The following MYO3B variants were observed in gnomAD, a reference collection of about 807,000 sequenced individuals.
MYO3B encodes the protein myosin IIIB.
MYO3B carries 156 observed loss-of-function variants against 174.6 expected under a neutral mutation model. That is an observed-to-expected ratio of 0.89 (90% CI 0.78 to 1.02). MYO3B has a LOEUF of 1.02. Ranked by LOEUF, MYO3B falls within the 50% of genes least tolerant of loss-of-function variation. MYO3B has a pLI of 0.00. For synonymous variants in MYO3B, 563 were observed against 569.1 expected (o/e 0.99, Z 0.15); for missense variants, 1,632 against 1,639.4 (o/e 1.00, Z 0.08).
chr2:170,621,962 G>C (rs550739749), intron 32 of MYO3B, among the ~76,000 whole-genome samples: 1 of 152,188 alleles, frequency 6.6e-6, no homozygotes, highest in East Asian at 1.9e-4. Flanking sequence ...TCTTACCCTT[G>C]TATTTGCTTT....
chr2:170,590,178 T>C (rs1014447996), intron 32 of MYO3B, among the ~76,000 whole-genome samples: 1 of 152,210 alleles, frequency 6.6e-6, no homozygotes, highest in Non-Finnish European at 1.5e-5. Flanking sequence ...ATACGTGATA[T>C]GAGAAGTTAC....
At chr2:170,485,231 A>G (rs1685960973) in intron 25 of MYO3B, among the ~76,000 whole-genome samples, 1 of 152,158 alleles carries the variant, frequency 6.6e-6, no homozygotes, top group Non-Finnish European at 1.5e-5. Context: ...TCAATTTTTA[A>G]TTGTAAAAAT....
chr2:170,520,573 A>G (rs1405739148), intron 30 of MYO3B, among the ~76,000 whole-genome samples: 1 of 151,982 alleles, frequency 6.6e-6, no homozygotes, highest in Non-Finnish European at 1.5e-5. Flanking sequence ...TAGAAAAATG[A>G]TGAGCTTCTA....
At position 170,611,815 on chromosome 2, in the gene MYO3B, G is replaced by A. The variant is rs1430299583; in HGVS notation, c.3734-39813G>A. On this transcript the variant is annotated intron_variant, in intron 32 of 34. Coordinates refer to ENST00000408978, the MANE Select transcript of MYO3B (RefSeq NM_138995.5). ...CCTAGAGCTTCAGTGAGGAGTTTAT[G>A]GCTTTATTTTGCTTTGTTACAAGTG... 5.3e-5 allele frequency among the ~76,000 whole-genome samples: 8 copies of A among 152,256 alleles called. No individual in the cohort carries two copies. In the East Asian group the frequency reaches 1.2e-3, roughly 22 times the overall value.
intron 8 of MYO3B, among the ~76,000 whole-genome samples, chr2:170,366,232 C>T (rs1162886531): frequency 6.6e-6 from 1 of 152,136 alleles, no homozygotes; most frequent in African/African-American, 2.4e-5. Flanking sequence ...GTTTATCACG[C>T]AGACATTCAA....
At chr2:170,223,593 G>A (rs1345818833) in intron 6 of MYO3B, among the ~76,000 whole-genome samples, 2 of 152,268 alleles carry the variant, frequency 1.3e-5, no homozygotes, top group East Asian at 1.9e-4. Context: ...ACCCGTGTCC[G>A]CTGTTAATAT....
intron 23 of MYO3B, among the ~76,000 whole-genome samples, chr2:170,449,451 C>T (rs796612438): frequency 1.1e-4 from 17 of 152,246 alleles, no homozygotes; most frequent in African/African-American, 3.4e-4. Flanking sequence ...GTATACTTTA[C>T]TCAATTGCTA....
chr2:170,216,073 G>T (rs903367607), intron 5 of MYO3B, among the ~76,000 whole-genome samples: 4 of 152,128 alleles, frequency 2.6e-5, no homozygotes, highest in South Asian at 4.1e-4. Context: ...AAATTATCTA[G>T]GTCAAATAGA....
rs200667090 is a variant in MYO3B, at chr2:170,501,779, T to G, written c.3290-6T>G. 2.3e-4 allele frequency: 364 copies of G among 1,599,050 alleles called. 2 individuals carry two copies. In the South Asian group the frequency reaches 2.5e-3, roughly 11 times the overall value. On this transcript the variant is annotated splice_region_variant and splice_polypyrimidine_tract_variant and intron_variant, in intron 27 of 34. Transcript: ENST00000408978. ...TCATTCCTAGCACATGGTTTTATAT[T>G]TTTAGCCTGGAGAGGATATGATGCT...
chr2:170,242,960 G>A (rs2093150621), intron 7 of MYO3B, among the ~76,000 whole-genome samples: 1 of 152,134 alleles, frequency 6.6e-6, no homozygotes, highest in Admixed American at 6.6e-5. Context: ...TGGCATAATG[G>A]TAGGGGCAGG....
intron 31 of MYO3B, among the ~76,000 whole-genome samples, chr2:170,543,685 T>C (rs974149574): frequency 2.6e-5 from 4 of 152,170 alleles, no homozygotes; most frequent in African/African-American, 9.6e-5. Flanking sequence ...AAGCAAAAGA[T>C]GTTAAGACTT....
chr2:170,494,387 T>C (rs958254243), intron 25 of MYO3B, among the ~76,000 whole-genome samples: 8 of 151,478 alleles, frequency 5.3e-5, no homozygotes, highest in African/African-American at 2.0e-4. Flanking sequence ...GGGAAATTTA[T>C]GTCTTCATAA....
At chr2:170,370,969 A>T (rs1369590414) in intron 9 of MYO3B, among the ~76,000 whole-genome samples, 3 of 151,080 alleles carry the variant, frequency 2.0e-5, no homozygotes, top group Non-Finnish European at 4.4e-5. Context: ...CTGTAATCCC[A>T]GCACTTTGGG....
intron 32 of MYO3B, among the ~76,000 whole-genome samples, chr2:170,587,557 T>C (rs1474988108): frequency 1.3e-5 from 2 of 152,206 alleles, no homozygotes; most frequent in African/African-American, 2.4e-5. Flanking sequence ...AGCAAAGTGA[T>C]GGAAGTTGTT....
intron 6 of MYO3B, 81 bp downstream of exon 6, chr2:170,217,476 T>A: frequency 8.3e-7 from 1 of 1,199,888 alleles, no homozygotes; most frequent in South Asian, 1.2e-5. Flanking sequence ...AGTCATATGC[T>A]TTGCAGAATT....
chr2:170,430,374 C>CTTT (rs11368801), intron 22 of MYO3B, among the ~76,000 whole-genome samples: 40 of 136,688 alleles, frequency 2.9e-4, no homozygotes, highest in South Asian at 9.4e-4. Context: ...TTCTGGATAG[C>CTTT]TTTTTTTTTT....
intron 22 of MYO3B, among the ~76,000 whole-genome samples, chr2:170,418,392 C>A (rs62170672): frequency 0.072 from 10,967 of 152,230 alleles, 442 homozygotes; most frequent in Non-Finnish European, 0.094. Context: ...TTAATATCAT[C>A]GCTACTAAAT....
intron 1 of MYO3B, among the ~76,000 whole-genome samples, chr2:170,187,233 T>C (rs114061274): frequency 0.01 from 1,564 of 152,212 alleles, 14 homozygotes; most frequent in Middle Eastern, 0.041. Context: ...CTAGTTCTTT[T>C]TTTTGTTTTG....
rs1684660436 is a variant in MYO3B at position 170,466,712 on chromosome 2, G to T, written c.3014+1G>T. ...TCCTTTTTGAAGAATTTGTGAAAAG[G>T]TCAGACCGTCATCTACGGGAATGCA... On this transcript the variant is annotated splice_donor_variant, in intron 25 of 34. Coordinates refer to ENST00000408978, the MANE Select transcript of MYO3B (RefSeq NM_138995.5). LOFTEE classifies it high-confidence loss of function. 3 of 1,613,882 alleles carry T rather than the reference G, an allele frequency of 1.9e-6. No homozygotes were observed. Among genetic ancestry groups the T allele is most frequent in the Non-Finnish European group, 2.5e-6 (3 of 1,179,838 alleles).
Sources: allele counts gnomAD v4.1 joint callset (sites outside exome capture counted in the v4.1 genomes callset), GRCh38; gene constraint gnomAD v4.1.1; transcripts MANE v1.5; gene names NCBI Gene and HGNC (gene_info 2026-07-23, HGNC 2026-07-21).